SEC31B: variants seen among roughly 807,000 people sequenced by gnomAD.
SEC31B encodes the protein SEC31 homolog B, COPII component, also known as protein transport protein Sec31B.
Under a neutral mutation model 135.0 loss-of-function variants are expected in SEC31B, and 113 were observed. That is an observed-to-expected ratio of 0.84 (90% confidence interval 0.72 to 0.98). The LOEUF is 0.98. Among genes scored for constraint, SEC31B ranks in the 50% least tolerant of loss-of-function variants. The pLI is 0.00. For synonymous variants in SEC31B, 508 were observed against 549.4 expected (o/e 0.92, Z 1.05); for missense variants, 1,296 against 1,421.1 (o/e 0.91, Z 1.42).
chr10:100,498,237 G>C, intron 14 of SEC31B, 30 bp from the exon 15 acceptor site: 3 of 1,612,140 alleles, frequency 1.9e-6, no homozygotes, highest in Non-Finnish European at 2.5e-6. Context: ...CTGTGCATTA[G>C]TTGCTCTCAA....
intron 6 of SEC31B, 21 bp downstream of exon 6, chr10:100,507,887 G>C: frequency 6.2e-7 from 1 of 1,614,190 alleles, no homozygotes; most frequent in Non-Finnish European, 8.5e-7. Context: ...CCAAGCCTGT[G>C]TTCTGGCCTC....
chr10:100,497,463 G>A (rs969976031), intron 16 of SEC31B, 183 bp from the exon 17 acceptor site: 4 of 1,472,968 alleles, frequency 2.7e-6, no homozygotes, highest in Non-Finnish European at 3.6e-6. Context: ...ACAAGACAAG[G>A]TAAAACAGGA....
Position 100,506,396 on chromosome 10 carries a change from G to A in SEC31B, c.807C>T (p.Ser269=), listed in dbSNP as rs1158560152. 4 of 1,614,108 alleles carry A rather than the reference G, an allele frequency of 2.5e-6. No individual in the cohort carries two copies. Among genetic ancestry groups the A allele is most frequent in the Non-Finnish European group, 3.4e-6 (4 of 1,180,008 alleles). The change falls in exon 8 of 26, where the codon AGC becomes AGT. Residue 269 remains serine (S), a synonymous_variant. Coordinates refer to ENST00000370345, the MANE Select transcript of SEC31B (RefSeq NM_015490.4). ...TGAGCAGCAGCTCAGCATCAGCCTG[G>A]CTCCATGACACTGACAAGATCCCCC... ...HSRGILSVSW[S]QADAELLLTS...
At position 100,502,345 on chromosome 10, in the gene SEC31B, G is replaced by A; in HGVS notation, c.1319C>T (p.Ala440Val). 6.2e-7 allele frequency: 1 copy of A among 1,614,124 alleles called. No homozygotes were observed. The highest frequency in any genetic ancestry group is 1.1e-5 in the South Asian group (1 of 91,084). The change falls in exon 11 of 26, where the codon GCC becomes GTC. Residue 440 changes from alanine to valine, a missense_variant. Ala to Val is a moderately conservative substitution (Grantham distance 64). Transcript: ENST00000370345. ...ATTCAGTAGATTTCCTGATCCCAAG[G>A]CCTCCTGCAGCTCAGCTGATCGCAT... ...FLMRSAELQE[A>V]LGSGNLLNYC...
chr10:100,502,646 T>C (rs1459915498), intron 10 of SEC31B, among the ~76,000 whole-genome samples, 162 bp from the exon 11 acceptor site: 1 of 152,188 alleles, frequency 6.6e-6, no homozygotes, highest in East Asian at 1.9e-4. Context: ...AATTTAGTAT[T>C]GAATTCGTCT....
rs1392049462 is a variant in SEC31B, at chr10:100,487,655, C to T, written c.3501G>A (p.Leu1167=). The change falls in exon 26 of 26, where the codon CTG becomes CTA. Residue 1167 remains leucine (L), a synonymous_variant. Coordinates refer to ENST00000370345, the MANE Select transcript of SEC31B (RefSeq NM_015490.4). ...TATGAGCGATGATGAGGACAGCCTT[C>T]AGGATAGGCATGAAGCTGGACACCT... ...FSEVSSFMPI[L]KAVLIIAHKL... The T allele has an allele frequency of 1.2e-6, 2 of 1,613,592 alleles. No individual in the cohort carries two copies.
chr10:100,495,638 A>C, intron 18 of SEC31B, 92 bp from the exon 19 acceptor site: 1 of 1,246,686 alleles, frequency 8.0e-7, no homozygotes, highest in Non-Finnish European at 1.1e-6. Flanking sequence ...CTCTACACCA[A>C]GCTTGTCCAA....
chr10:100,514,847 G>A (rs1260491833), intron 3 of SEC31B, among the ~76,000 whole-genome samples: 1 of 151,980 alleles, frequency 6.6e-6, no homozygotes, highest in African/African-American at 2.4e-5. Flanking sequence ...CAGGTGTGGT[G>A]GCGCGCACCT....
intron 1 of SEC31B, among the ~76,000 whole-genome samples, chr10:100,517,882 T>G (rs1340118932): frequency 6.6e-6 from 1 of 152,182 alleles, no homozygotes; most frequent in African/African-American, 2.4e-5. Context: ...TCCCTCATTC[T>G]CTTCTAATCC....
rs1851429386 is a variant in SEC31B, at chr10:100,497,266, G to A, written c.2005C>T (p.Arg669Cys). 6 of 1,613,952 alleles carry A rather than the reference G, an allele frequency of 3.7e-6. No homozygotes were observed. The highest frequency in any genetic ancestry group is 3.3e-5 in the South Asian group (3 of 91,092). Reference protein sequence around the residue: ...FPELCDMLGTRMEQEGSRALT... With the variant: ...FPELCDMLGTCMEQEGSRALT... ...GCCCTGCTGCCCTCCTGTTCCATGC[G>A]AGTTCCCAGCATGTCTGCAGAGAGA... is the stretch of plus-strand genomic sequence containing the variant. Residue 669 changes from arginine to cysteine, a missense_variant, in exon 17 of 26, where the codon CGC (arginine) becomes TGC (cysteine). Arg to Cys is a radical substitution (Grantham distance 180). Coordinates refer to ENST00000370345, the MANE Select transcript of SEC31B (RefSeq NM_015490.4).
At position 100,498,735 on chromosome 10, in the gene SEC31B, TGTTCTGAGGGACCA is replaced by T; in HGVS notation, c.1640_1653del (p.Leu547HisfsTer13). ...GTGATGGGGATCTCCCAAGGAGTCA[TGTTCTGAGGGACCA>T]GCTCATCAAAGAAGGCTGAGGAAGC... On this transcript the variant is annotated frameshift_variant, in exon 14 of 26. Coordinates refer to ENST00000370345, the MANE Select transcript of SEC31B (RefSeq NM_015490.4). LOFTEE classifies it high-confidence loss of function. 1 of 1,613,774 alleles carries T rather than the reference TGTTCTGAGGGACCA, an allele frequency of 6.2e-7. No homozygotes were observed.
rs1481724038 is a variant in SEC31B at position 100,488,026 on chromosome 10, C to T, written c.3360+1G>A. The T allele has an allele frequency of 2.5e-6, 4 of 1,613,802 alleles. No homozygotes were observed. Among genetic ancestry groups the T allele is most frequent in the Middle Eastern group, 1.6e-4 (1 of 6,062 alleles). ...GTGGGAGCACAGCTAGCTGTACTTA[C>T]TGTCCCCTCACAGAGCTTCTCATAT... is the stretch of plus-strand genomic sequence containing the variant. On this transcript the variant is annotated splice_donor_variant, in intron 25 of 25. Transcript: ENST00000370345. LOFTEE classifies it high-confidence loss of function.
Position 100,509,093 on chromosome 10 carries a change from G to C in SEC31B, c.409C>G (p.Leu137Val), listed in dbSNP as rs1202515984. The change falls in exon 5 of 26, where the codon CTG (leucine) becomes GTG (valine). Residue 137 changes from leucine to valine, a missense_variant. Leu to Val is a conservative substitution (Grantham distance 32, BLOSUM62 1). Coordinates refer to ENST00000370345, the MANE Select transcript of SEC31B (RefSeq NM_015490.4). ...LDLNPFQGNL[L>V]ASGASDSEIF... ...TCAGAATCGCTGGCCCCTGAAGCCA[G>C]GAGGTTGCCCTGTATGAATAAAAAG... 1.2e-6 allele frequency: 2 copies of C among 1,613,940 alleles called. No homozygotes were observed. Among genetic ancestry groups the C allele is most frequent in the Non-Finnish European group, 1.7e-6 (2 of 1,179,948 alleles).
intron 2 of SEC31B, among the ~76,000 whole-genome samples, chr10:100,516,648 CAAAAAAAAA>C (rs59172062): frequency 0.019 from 907 of 47,538 alleles, 19 homozygotes; most frequent in African/African-American, 0.068. Context: ...GACTCTGTCT[CAAAAAAAAA>C]AAAAAAAAAA....
rs1851450678 is a variant in SEC31B, at chr10:100,498,225, C to T, written c.1685-18G>A. The T allele has an allele frequency of 5.0e-6, 8 of 1,613,646 alleles. No homozygotes were observed. The highest frequency in any genetic ancestry group is 5.9e-6 in the Non-Finnish European group (7 of 1,179,750). Reference sequence around the variant, plus strand: ...ATCAATATCTGCAGGCAGAAGCATCCCCTGTGCATTAGTTGCTCTCAAACC... The same window carrying T: ...ATCAATATCTGCAGGCAGAAGCATCTCCTGTGCATTAGTTGCTCTCAAACC... On this transcript the variant is annotated intron_variant, in intron 14 of 25. Transcript: ENST00000370345.
Position 100,498,747 on chromosome 10 carries a change from C to A in SEC31B, c.1642G>T (p.Val548Phe). 3 of 1,613,870 alleles carry A rather than the reference C, an allele frequency of 1.9e-6. No homozygotes were observed. Among genetic ancestry groups the A allele is most frequent in the Non-Finnish European group, 2.5e-6 (3 of 1,179,860 alleles). ...SASSAFFDEL[V>F]PQNMTPWEIP... ...TCCCAAGGAGTCATGTTCTGAGGGACCAGCTCATCAAAGAAGGCTGAGGAA... is the reference window on the plus strand; with the variant it reads ...TCCCAAGGAGTCATGTTCTGAGGGAACAGCTCATCAAAGAAGGCTGAGGAA... The change falls in exon 14 of 26, where the codon GTC becomes TTC. Residue 548 changes from valine (V) to phenylalanine (F), a missense_variant. Coordinates refer to ENST00000370345, the MANE Select transcript of SEC31B (RefSeq NM_015490.4).
At chr10:100,495,263 A>G (rs1039643825) in intron 19 of SEC31B, 122 bp downstream of exon 19, 3 of 906,538 alleles carry the variant, frequency 3.3e-6, no homozygotes, top group East Asian at 5.3e-5. Context: ...AAAGAACTGA[A>G]TCTATGTTCT....
rs147778387 is a variant in SEC31B, at chr10:100,518,681, A to T, written c.-46+1101T>A. 7.9e-5 allele frequency among the ~76,000 whole-genome samples: 12 copies of T among 152,344 alleles called. 1 individual carries two copies. The highest frequency in any genetic ancestry group is 2.9e-4 in the African/African-American group (12 of 41,586). ...TAGCAAACAGGTAGAAATGATTTTT[A>T]AAAATTACACTGAACTTGAGGAGAA... is the stretch of plus-strand genomic sequence containing the variant. On this transcript the variant is annotated intron_variant, in intron 1 of 25. Coordinates refer to ENST00000370345, the MANE Select transcript of SEC31B (RefSeq NM_015490.4).
At chr10:100,511,957 G>A (rs1851745391) in intron 3 of SEC31B, among the ~76,000 whole-genome samples, 1 of 152,236 alleles carries the variant, frequency 6.6e-6, no homozygotes, top group Non-Finnish European at 1.5e-5. Flanking sequence ...AAGTGTCCAA[G>A]AGGACAGCAA....
Sources: allele counts gnomAD v4.1 joint callset (sites outside exome capture counted in the v4.1 genomes callset), GRCh38; gene constraint gnomAD v4.1.1; transcripts MANE v1.5; gene names NCBI Gene and HGNC (gene_info 2026-07-23, HGNC 2026-07-21).